SLC4A5: variants seen among roughly 807,000 people sequenced by gnomAD.
The protein encoded by SLC4A5 is electrogenic sodium bicarbonate cotransporter 4.
A neutral mutation model predicts 120.4 loss-of-function variants in SLC4A5; 96 were observed. The observed-to-expected ratio is 0.80, with a 90% confidence interval of 0.68 to 0.94. The LOEUF (loss-of-function observed/expected upper bound fraction) is 0.94. Ranked by LOEUF, SLC4A5 falls within the 40% of genes least tolerant of loss-of-function variation. The pLI, the probability that SLC4A5 is intolerant of heterozygous loss-of-function variation, is 0.00. For synonymous variants in SLC4A5, 550 were observed against 571.1 expected (o/e 0.96, Z 0.53); for missense variants, 1,259 against 1,459.5 (o/e 0.86, Z 2.24).
intron 7 of SLC4A5, among the ~76,000 whole-genome samples, chr2:74,297,439 T>C (rs756733202): frequency 1.3e-5 from 2 of 152,160 alleles, no homozygotes; most frequent in African/African-American, 4.8e-5. Flanking sequence ...ACTGAAACAA[T>C]TGGCCACCCT....
chr2:74,317,815 T>C (rs560160956), intron 5 of SLC4A5, among the ~76,000 whole-genome samples: 44 of 152,286 alleles, frequency 2.9e-4, no homozygotes, highest in African/African-American at 9.1e-4. Flanking sequence ...TCTGACAAAA[T>C]GGCAAGGGCT....
intron 12 of SLC4A5, among the ~76,000 whole-genome samples, chr2:74,257,490 G>A (rs1207232492): frequency 6.6e-6 from 1 of 152,150 alleles, no homozygotes; most frequent in Non-Finnish European, 1.5e-5. Flanking sequence ...AAGGGGAGGA[G>A]ATACGGGCTG....
intron 20 of SLC4A5, 30 bp downstream of exon 20, chr2:74,241,964 A>C: frequency 6.3e-7 from 1 of 1,590,324 alleles, no homozygotes; most frequent in Non-Finnish European, 8.6e-7. Flanking sequence ...AAAAGCACTC[A>C]AATGTCTAAC....
intron 7 of SLC4A5, among the ~76,000 whole-genome samples, chr2:74,293,340 T>C (rs1202011280): frequency 6.6e-6 from 1 of 152,166 alleles, no homozygotes; most frequent in Non-Finnish European, 1.5e-5. Context: ...CTTTGGAATG[T>C]CTGCCCAGCC....
chr2:74,299,431 T>C (rs934864245), intron 7 of SLC4A5, among the ~76,000 whole-genome samples: 2 of 152,228 alleles, frequency 1.3e-5, no homozygotes, highest in Non-Finnish European at 2.9e-5. Context: ...CGTGCTGCCA[T>C]GTAAAACATG....
chr2:74,220,786 G>A (rs1181939550), intron 30 of SLC4A5, among the ~76,000 whole-genome samples: 2 of 149,700 alleles, frequency 1.3e-5, no homozygotes, highest in South Asian at 2.1e-4. Flanking sequence ...AAAGTGCTGG[G>A]ACTACAGGCG....
intron 2 of SLC4A5, 126 bp downstream of exon 2, chr2:74,342,332 T>G (rs1451007277): frequency 6.6e-6 from 1 of 152,226 alleles, no homozygotes; most frequent in Non-Finnish European, 1.5e-5. Flanking sequence ...TAAACTTGAC[T>G]GGAGAGGGTG....
At position 74,222,857 on chromosome 2, in the gene SLC4A5, G is replaced by A; in HGVS notation, c.3331+11C>T. The stretch of plus-strand genomic sequence containing the variant: ...TAGTAAGAAGGGAGAGACATCATGT[G>A]TTTTACTTACTGGCAATGCAGTGGA... On this transcript the variant is annotated intron_variant, in intron 29 of 30. Transcript: ENST00000394019. 5 of 1,602,222 alleles carry A rather than the reference G, an allele frequency of 3.1e-6. No homozygotes were observed. The highest frequency in any genetic ancestry group is 4.3e-6 in the Non-Finnish European group (5 of 1,169,224).
chr2:74,326,306 GACCTGTAAC>G (rs1372367496), intron 5 of SLC4A5, among the ~76,000 whole-genome samples: 1 of 152,124 alleles, frequency 6.6e-6, no homozygotes, highest in African/African-American at 2.4e-5. Context: ...CAAATGAAAG[GACCTGTAAC>G]ACCAGTCTCT....
intron 8 of SLC4A5, among the ~76,000 whole-genome samples, chr2:74,271,791 TTAAGTA>T (rs1475378615): frequency 4.0e-5 from 6 of 151,844 alleles, no homozygotes. Context: ...CTCATTTTGT[TTAAGTA>T]TATTTAAAAA....
rs578031135 is a variant in SLC4A5 at position 74,311,563 on chromosome 2, A to G, written c.79+3382T>C. Among the ~76,000 whole-genome samples the G allele has an allele frequency of 3.9e-5, 6 of 152,320 alleles. No individual in the cohort carries two copies. In the South Asian group the frequency reaches 8.3e-4, roughly 21 times the overall value. ...TAAGACTTCTTCTTTGACTACTCAT[A>G]TATTATTTAGAAGTGTATTGTTTAA... On this transcript the variant is annotated intron_variant, in intron 6 of 30. Coordinates refer to ENST00000394019, the Ensembl canonical transcript of SLC4A5.
chr2:74,312,206 T>C (rs1672825178), intron 6 of SLC4A5, among the ~76,000 whole-genome samples: 1 of 152,094 alleles, frequency 6.6e-6, no homozygotes, highest in African/African-American at 2.4e-5. Flanking sequence ...TCTATATCTA[T>C]ACCTATCTAT....
chr2:74,250,319 C>A, intron 17 of SLC4A5, 24 bp downstream of exon 17: 2 of 1,606,802 alleles, frequency 1.2e-6, no homozygotes, highest in South Asian at 1.1e-5. Flanking sequence ...TACTTTTACA[C>A]TCAGGGCACC....
chr2:74,257,918 C>T (rs1331103396), intron 12 of SLC4A5, among the ~76,000 whole-genome samples: 2 of 152,200 alleles, frequency 1.3e-5, no homozygotes, highest in African/African-American at 4.8e-5. Context: ...AGAAATTTAA[C>T]CAGGGAGTTG....
chr2:74,323,202 T>G (rs1237376886), intron 5 of SLC4A5, among the ~76,000 whole-genome samples: 1 of 152,074 alleles, frequency 6.6e-6, no homozygotes. Context: ...ATTGTGCCAC[T>G]GCATTCCACC....
chr2:74,298,472 A>G (rs925757329), intron 7 of SLC4A5, among the ~76,000 whole-genome samples: 2 of 152,248 alleles, frequency 1.3e-5, no homozygotes, highest in African/African-American at 4.8e-5. Flanking sequence ...AAAAGTGCTA[A>G]AGGAAAACAG....
intron 2 of SLC4A5, chr2:74,339,799 T>G (rs925092691): frequency 2.0e-5 from 3 of 152,222 alleles, no homozygotes; most frequent in African/African-American, 7.2e-5. Flanking sequence ...ACAACCTAAA[T>G]ATTCATCAAC....
chr2:74,233,644 T>C, intron 22 of SLC4A5, 81 bp from the exon 23 acceptor site: 10 of 1,443,392 alleles, frequency 6.9e-6, no homozygotes, highest in South Asian at 4.2e-5. Context: ...CTGTCCCACC[T>C]CCTCAACTTT....
chr2:74,245,293 T>C (rs1186432165), intron 19 of SLC4A5, among the ~76,000 whole-genome samples: 1 of 152,186 alleles, frequency 6.6e-6, no homozygotes, highest in Non-Finnish European at 1.5e-5. Context: ...CACTCCAGCC[T>C]GGGCGACAGA....
Sources: gnomAD v4.1 joint callset for allele counts (sites outside exome capture counted in the v4.1 genomes callset) on GRCh38, gnomAD v4.1.1 for gene constraint, MANE v1.5 for transcripts, NCBI Gene and HGNC (gene_info 2026-07-23, HGNC 2026-07-21) for gene names.